PPP6R2: variants seen among roughly 807,000 people sequenced by gnomAD.
PPP6R2 encodes protein phosphatase 6 regulatory subunit 2, also known as serine/threonine-protein phosphatase 6 regulatory subunit 2.
PPP6R2 carries 62 observed loss-of-function variants against 100.2 expected under a neutral mutation model. The ratio of observed to expected loss-of-function variants is 0.62; its 90% CI spans 0.50 to 0.76. The LOEUF (loss-of-function observed/expected upper bound fraction) is 0.76. Among genes scored for constraint, PPP6R2 ranks in the 30% least tolerant of loss-of-function variants. PPP6R2 has a pLI of 0.00. For missense variants in PPP6R2, 1,142 were observed against 1,276.3 expected (o/e 0.89, Z 1.60); for synonymous variants, 525 against 514.7 (o/e 1.02, Z -0.27).
intron 1 of PPP6R2, among the ~76,000 whole-genome samples, chr22:50,361,255 A>G (rs28500484): frequency 6.6e-6 from 1 of 152,094 alleles, no homozygotes; most frequent in Admixed American, 6.5e-5. Context: ...GAATCTGGTT[A>G]TCATATGGAG....
intron 2 of PPP6R2, among the ~76,000 whole-genome samples, chr22:50,390,728 C>G (rs1022464310): frequency 5.9e-5 from 9 of 151,812 alleles, no homozygotes; most frequent in Admixed American, 5.9e-4. Flanking sequence ...GGGCCGGGCG[C>G]GGTCGTTCAC....
chr22:50,351,034 T>TG (rs1259317373), intron 1 of PPP6R2, among the ~76,000 whole-genome samples: 1 of 116,270 alleles, frequency 8.6e-6, no homozygotes, highest in African/African-American at 3.2e-5. Flanking sequence ...GTGTTTTTTT[T>TG]TTTTTTTTTT....
At chr22:50,343,085 A>G (rs979241735), upstream of PPP6R2, among the ~76,000 whole-genome samples, 12 of 152,170 alleles carry the variant, frequency 7.9e-5, no homozygotes, top group African/African-American at 2.4e-4. Flanking sequence ...ACTTTAGCCA[A>G]TACCTCAAAG....
intron 3 of PPP6R2, among the ~76,000 whole-genome samples, chr22:50,397,654 C>T (rs7410311): frequency 0.086 from 3,075 of 35,592 alleles, 54 homozygotes; most frequent in Non-Finnish European, 0.12. Flanking sequence ...CATCTCTGAG[C>T]TTTTCTCTGA....
At chr22:50,391,364 C>T (rs1008210319) in intron 2 of PPP6R2, among the ~76,000 whole-genome samples, 10 of 126,858 alleles carry the variant, frequency 7.9e-5, no homozygotes, top group South Asian at 5.4e-4. Flanking sequence ...ACCTGGGAGG[C>T]GGAGGTTGCA....
At chr22:50,335,952 A>T in the PPP6R2 span, among the ~76,000 whole-genome samples, 1 of 149,572 alleles carries the variant, frequency 6.7e-6, no homozygotes, top group Non-Finnish European at 1.5e-5. Flanking sequence ...CTGAGATTAC[A>T]GGCGTGAGCC....
chr22:50,424,952 T>G (rs2147898748), intron 10 of PPP6R2, among the ~76,000 whole-genome samples: 1 of 152,366 alleles, frequency 6.6e-6, no homozygotes, highest in Non-Finnish European at 1.5e-5. Flanking sequence ...TTTTCCTTCT[T>G]CAAAAGAATT....
At chr22:50,405,674 A>G (rs867249565) in intron 3 of PPP6R2, among the ~76,000 whole-genome samples, 241 of 11,610 alleles carry the variant, frequency 0.021, no homozygotes, top group Middle Eastern at 0.062. Context: ...CCTGGAGAGA[A>G]GTGAGAGGCC....
At chr22:50,383,463 G>A (rs2148705851) in intron 2 of PPP6R2, among the ~76,000 whole-genome samples, 2 of 152,284 alleles carry the variant, frequency 1.3e-5, no homozygotes, top group East Asian at 3.9e-4. Flanking sequence ...CCAGAGAATA[G>A]CACCTTACAT....
chr22:50,415,132 C>T (rs562647453), intron 5 of PPP6R2, among the ~76,000 whole-genome samples: 5 of 152,346 alleles, frequency 3.3e-5, no homozygotes, highest in African/African-American at 9.6e-5. Context: ...TGCGTCTGTT[C>T]TGATGGTGTT....
At chr22:50,333,873 G>C in the PPP6R2 span, among the ~76,000 whole-genome samples, 3 of 152,194 alleles carry the variant, frequency 2.0e-5, no homozygotes, top group South Asian at 6.2e-4. Context: ...CAAGAGGGCA[G>C]GGTAAGGAGT....
intron 6 of PPP6R2, 116 bp downstream of exon 6, chr22:50,416,273 A>T (rs972165459): frequency 1.2e-6 from 1 of 864,746 alleles, no homozygotes; most frequent in Admixed American, 2.3e-5. Flanking sequence ...TAAGATGAGG[A>T]TCGGTTAGGT....
intron 1 of PPP6R2, among the ~76,000 whole-genome samples, chr22:50,361,182 A>C (rs1208152237): frequency 6.6e-6 from 1 of 152,098 alleles, no homozygotes. Context: ...CATCACCCTC[A>C]ATCTTGGTCA....
rs1183643748 is a variant in PPP6R2 at position 50,431,866 on chromosome 22, TGA to T, written c.1336-394_1336-393del. 6.6e-6 allele frequency among the ~76,000 whole-genome samples: 1 copy of T among 151,056 alleles called. No homozygotes were observed. Among genetic ancestry groups the T allele is most frequent in the East Asian group, 1.9e-4 (1 of 5,160 alleles). Reference sequence around the variant, plus strand: ...AGTGATCTGTGTCAGGGCCTGGAGGTGAGAGAAAGTGCTGAGGGCAGACAGCC... The same window carrying T: ...AGTGATCTGTGTCAGGGCCTGGAGGTGAGAAAGTGCTGAGGGCAGACAGCC... On this transcript the variant is annotated intron_variant, in intron 11 of 23. Coordinates refer to ENST00000612753, the MANE Select transcript of PPP6R2 (RefSeq NM_001242898.2). The surrounding 1 kb of genome is among the most constrained non-coding windows in gnomAD (Gnocchi z 4.8).
chr22:50,402,803 A>C (rs960843296), intron 3 of PPP6R2, among the ~76,000 whole-genome samples: 1 of 152,236 alleles, frequency 6.6e-6, no homozygotes, highest in Non-Finnish European at 1.5e-5. Context: ...CATTTGAAGA[A>C]TAACTGTAAA....
intron 2 of PPP6R2, among the ~76,000 whole-genome samples, chr22:50,375,288 A>T (rs573236601): frequency 2.0e-5 from 3 of 152,346 alleles, no homozygotes; most frequent in Middle Eastern, 3.4e-3. Context: ...CATAAATAAA[A>T]GAACTGACAA....
At chr22:50,372,934 G>A (rs1175970733) in intron 2 of PPP6R2, among the ~76,000 whole-genome samples, 3 of 152,000 alleles carry the variant, frequency 2.0e-5, no homozygotes, top group Non-Finnish European at 4.4e-5. Context: ...TGATCCGCCC[G>A]CCTCGGCCTC....
rs548487202 is a variant in PPP6R2 at position 50,393,874 on chromosome 22, C to T, written c.-16-19C>T. 2.5e-6 allele frequency: 4 copies of T among 1,613,586 alleles called. No individual in the cohort carries two copies. In the South Asian group the frequency reaches 3.3e-5, roughly 13 times the overall value. On this transcript the variant is annotated intron_variant, in intron 2 of 23. Transcript: ENST00000612753. Reference sequence around the variant, plus strand: ...ATTTGCAAGGGTGAGAGACGTGACCCCTTTGCCCTCGTTTGCAGCTCTGCG... The same window carrying T: ...ATTTGCAAGGGTGAGAGACGTGACCTCTTTGCCCTCGTTTGCAGCTCTGCG...
At chr22:50,332,361 G>C in the PPP6R2 span, among the ~76,000 whole-genome samples, 15 of 151,854 alleles carry the variant, frequency 9.9e-5, no homozygotes, top group East Asian at 2.9e-3. Context: ...CTCCTGAGTA[G>C]CTGGGAGTAC....
Sources: allele counts gnomAD v4.1 joint callset (sites outside exome capture counted in the v4.1 genomes callset), GRCh38; gene constraint gnomAD v4.1.1; non-coding constraint Gnocchi (gnomAD v3.1); transcripts MANE v1.5; gene names NCBI Gene and HGNC (gene_info 2026-07-23, HGNC 2026-07-21).